OTOP1: variants seen among roughly 807,000 people sequenced by gnomAD.
OTOP1 encodes otopetrin 1, also known as proton channel OTOP1.
In OTOP1, 59 loss-of-function variants were observed where a neutral mutation model predicts 52.9. The ratio of observed to expected loss-of-function variants is 1.12; its 90% CI spans 0.91 to 1.39. The LOEUF is 1.39. Among genes scored for constraint, OTOP1 ranks in the 40% most tolerant of loss-of-function variants. The pLI is 0.00. For missense variants in OTOP1, 761 were observed against 800.9 expected (o/e 0.95, Z 0.60); for synonymous variants, 317 against 337.7 (o/e 0.94, Z 0.67).
At position 4,226,520 on chromosome 4, in the gene OTOP1, G is replaced by A. The variant is rs1181340249; in HGVS notation, c.345C>T (p.Ser115=). 8.8e-6 allele frequency: 14 copies of A among 1,590,754 alleles called. No homozygotes were observed. The Admixed American group carries it at 1.2e-4, about 13-fold the overall frequency. Residue 115 remains serine (S), a synonymous_variant, in exon 1 of 6, where the codon TCC becomes TCT. Coordinates refer to ENST00000296358, the MANE Select transcript of OTOP1 (RefSeq NM_177998.3). ...TGAGGCGGAAGAGGCGGCGGTGCGC[G>A]GAGCTGCGGCCCACGTACCACAGCA... ...LWMLWYVGRS[S]AHRRLFRLKD... is the part of the protein sequence containing the mutation.
At chr4:4,198,566 G>T (rs1347332839) in intron 4 of OTOP1, among the ~76,000 whole-genome samples, 2 of 152,162 alleles carry the variant, frequency 1.3e-5, no homozygotes, top group African/African-American at 4.8e-5. Flanking sequence ...TTACATGTGT[G>T]ATTTTTCAAC....
intron 1 of OTOP1, among the ~76,000 whole-genome samples, chr4:4,220,021 G>C (rs1320959404): frequency 2.1e-4 from 22 of 104,252 alleles, no homozygotes; most frequent in Non-Finnish European, 3.0e-4. Flanking sequence ...GTATATACAT[G>C]TATATACGTA....
intron 5 of OTOP1, among the ~76,000 whole-genome samples, chr4:4,191,833 G>T (rs1716516022): frequency 6.6e-6 from 1 of 152,196 alleles, no homozygotes; most frequent in South Asian, 2.1e-4. Flanking sequence ...CTTGGTCATT[G>T]CTGTACCCTC....
In OTOP1 at chr4:4,214,417, C is replaced by T. The variant is rs186908210; in HGVS notation, c.404-1413G>A. ...GAGGGCCTTCAAAAAATTCAAAATA[C>T]TATTATGGCATGATCTGGCATTTTC... On this transcript the variant is annotated intron_variant, in intron 1 of 5. Transcript: ENST00000296358. Among the ~76,000 whole-genome samples, 13 of 152,216 alleles carry T rather than the reference C, an allele frequency of 8.5e-5. No individual in the cohort carries two copies. In the East Asian group the frequency reaches 1.9e-3, roughly 23 times the overall value.
chr4:4,189,985 C>T (rs547563761), intron 5 of OTOP1, among the ~76,000 whole-genome samples: 14 of 152,338 alleles, frequency 9.2e-5, no homozygotes, highest in African/African-American at 3.1e-4. Context: ...ATTCATAAGT[C>T]AGAGAAACTA....
intron 5 of OTOP1, among the ~76,000 whole-genome samples, chr4:4,195,563 G>T (rs1259505569): frequency 1.3e-5 from 2 of 152,154 alleles, no homozygotes; most frequent in African/African-American, 4.8e-5. Flanking sequence ...TGACCATGCG[G>T]CAACAAGCAC....
At chr4:4,211,853 G>A (rs906975225) in intron 2 of OTOP1, among the ~76,000 whole-genome samples, 1 of 152,068 alleles carries the variant, frequency 6.6e-6, no homozygotes, top group African/African-American at 2.4e-5. Context: ...TTGGTCAAAG[G>A]GTACAAAGTT....
In OTOP1 at chr4:4,204,712, CTGTGTGTGTG is replaced by C. The variant is rs10526016; in HGVS notation, c.599+1350_599+1359del. Among the ~76,000 whole-genome samples, 1,149 of 149,992 alleles carry C rather than the reference CTGTGTGTGTG, an allele frequency of 7.7e-3. 3 individuals are homozygous for C. Among genetic ancestry groups the C allele is most frequent in the Middle Eastern group, 0.035 (10 of 288 alleles). On this transcript the variant is annotated intron_variant, in intron 3 of 5. Transcript: ENST00000296358. ...TAATCTCAGTGTATGTTTCCTTCAT[CTGTGTGTGTG>C]TGTGTGTGTGTGTGTGTGTGTGTGT...
chr4:4,204,796 G>T (rs895474926), intron 3 of OTOP1, among the ~76,000 whole-genome samples: 1 of 151,498 alleles, frequency 6.6e-6, no homozygotes, highest in African/African-American at 2.4e-5. Flanking sequence ...TTTTGAGATG[G>T]AATCTCGCTC....
chr4:4,190,055 C>A (rs1186218363), intron 5 of OTOP1, among the ~76,000 whole-genome samples: 2 of 152,178 alleles, frequency 1.3e-5, no homozygotes, highest in Admixed American at 1.3e-4. Flanking sequence ...TCTTCCATAG[C>A]AATAAGTAAC....
chr4:4,213,305 A>G (rs909775191), intron 1 of OTOP1, among the ~76,000 whole-genome samples: 9 of 152,256 alleles, frequency 5.9e-5, no homozygotes, highest in Non-Finnish European at 1.0e-4. Flanking sequence ...AAAAGAAGAC[A>G]TGGGAGAAAG....
chr4:4,218,378 C>T (rs140467273), intron 1 of OTOP1, among the ~76,000 whole-genome samples: 1,303 of 126,472 alleles, frequency 0.01, 30 homozygotes, highest in African/African-American at 0.038. Flanking sequence ...GGTGACAGAG[C>T]GAGACTCCAA....
intron 1 of OTOP1, among the ~76,000 whole-genome samples, chr4:4,220,142 G>A (rs1331653074): frequency 7.2e-5 from 9 of 124,344 alleles, no homozygotes; most frequent in South Asian, 2.5e-4. Flanking sequence ...CACTCTTGTC[G>A]GCCAGGCTGG....
chr4:4,222,224 A>T (rs1301301322), intron 1 of OTOP1, among the ~76,000 whole-genome samples: 1 of 152,090 alleles, frequency 6.6e-6, no homozygotes, highest in African/African-American at 2.4e-5. Flanking sequence ...AGTGCTAGAA[A>T]GAAAATGAAG....
intron 2 of OTOP1, among the ~76,000 whole-genome samples, chr4:4,210,237 A>G (rs573249131): frequency 1.3e-5 from 2 of 152,220 alleles, no homozygotes; most frequent in Non-Finnish European, 2.9e-5. Context: ...TTCTGCCCTC[A>G]TTAAAGCTTT....
At chr4:4,201,109 G>C (rs1361865694) in intron 4 of OTOP1, among the ~76,000 whole-genome samples, 2 of 152,102 alleles carry the variant, frequency 1.3e-5, no homozygotes, top group South Asian at 2.1e-4. Flanking sequence ...TGGCTTGATG[G>C]CTTCATCCAT....
chr4:4,197,735 C>T lies in OTOP1; in HGVS notation c.1099G>A (p.Ala367Thr), dbSNP rs1716677167. Reference sequence around the variant, plus strand: ...TCTATCCTGTAAATCCGGATTCCAGCCAGCCCCGCAGCCCCCATAAGCATC... The same window carrying T: ...TCTATCCTGTAAATCCGGATTCCAGTCAGCCCCGCAGCCCCCATAAGCATC... ...LLMLMGAAGL[A>T]GIRIYRIDEK... is the part of the protein sequence containing the mutation. Residue 367 changes from alanine to threonine, a missense_variant, in exon 5 of 6, where the codon GCT becomes ACT. Transcript: ENST00000296358. 6.2e-7 allele frequency: 1 copy of T among 1,613,780 alleles called. No homozygotes were observed. The highest frequency in any genetic ancestry group is 1.3e-5 in the African/African-American group (1 of 74,812).
At chr4:4,218,192 G>A (rs993985461) in intron 1 of OTOP1, among the ~76,000 whole-genome samples, 2 of 152,074 alleles carry the variant, frequency 1.3e-5, no homozygotes, top group Admixed American at 1.3e-4. Context: ...AGGAGTTCGA[G>A]ACGAGCCTGG....
chr4:4,198,220 G>T, intron 4 of OTOP1, 117 bp from the exon 5 acceptor site: 1 of 793,514 alleles, frequency 1.3e-6, no homozygotes, highest in South Asian at 1.8e-5. Context: ...ACTGGATTAT[G>T]AGCTTTATCA....
Sources: gnomAD v4.1 joint callset for allele counts (sites outside exome capture counted in the v4.1 genomes callset) on GRCh38, gnomAD v4.1.1 for gene constraint, MANE v1.5 for transcripts, NCBI Gene and HGNC (gene_info 2026-07-23, HGNC 2026-07-21) for gene names.